The following TRIQK variants were observed in gnomAD, a reference collection of about 807,000 sequenced individuals.
TRIQK encodes the protein triple QxxK/R motif-containing protein.
In TRIQK, 10 loss-of-function variants were observed where a neutral mutation model predicts 10.8. The ratio of observed to expected loss-of-function variants is 0.92; its 90% CI spans 0.57 to 1.57. The LOEUF (loss-of-function observed/expected upper bound fraction) is 1.57. TRIQK is among the 40% of genes most tolerant of loss of function. The pLI, the probability that TRIQK is intolerant of heterozygous loss-of-function variation, is 0.00. For synonymous variants in TRIQK, 33 were observed against 33.7 expected, an observed-to-expected ratio of 0.98 and a Z score of 0.07; for missense variants, 107 against 97.7, an observed-to-expected ratio of 1.09 and a Z score of -0.40.
intron 1 of TRIQK, among the ~76,000 whole-genome samples, chr8:93,009,517 G>A (rs980978054): frequency 6.6e-6 from 1 of 152,052 alleles, no homozygotes; most frequent in Non-Finnish European, 1.5e-5. Context: ...GCTGAGGCAG[G>A]AGAATCGCCT....
chr8:92,887,362 C>T (rs1816541181), intron 4 of TRIQK, among the ~76,000 whole-genome samples: 1 of 151,354 alleles, frequency 6.6e-6, no homozygotes, highest in African/African-American at 2.4e-5. Flanking sequence ...ATACATTTAT[C>T]ACAGTTTTGA....
chr8:92,995,923 C>T (rs1447174174), intron 1 of TRIQK, among the ~76,000 whole-genome samples: 10 of 152,040 alleles, frequency 6.6e-5, no homozygotes, highest in Admixed American at 2.0e-4. Context: ...AGTCATGTGA[C>T]GGGAATTCTA....
intron 2 of TRIQK, chr8:92,953,721 A>C (rs1476300192): frequency 6.6e-6 from 1 of 151,956 alleles, no homozygotes; most frequent in Non-Finnish European, 1.5e-5. Flanking sequence ...AAATTAGAGA[A>C]ATAACAAAGG....
intron 2 of TRIQK, among the ~76,000 whole-genome samples, chr8:92,942,827 T>C (rs1419807698): frequency 6.6e-6 from 1 of 152,104 alleles, no homozygotes; most frequent in Non-Finnish European, 1.5e-5. Context: ...CTCAAGTAGC[T>C]GGGACTAAAG....
At chr8:93,014,285 T>C (rs1028116247) in intron 1 of TRIQK, among the ~76,000 whole-genome samples, 2 of 152,094 alleles carry the variant, frequency 1.3e-5, no homozygotes, top group Non-Finnish European at 2.9e-5. Flanking sequence ...CTCTTTAATA[T>C]TCCTTTCAAT....
At chr8:92,939,841 C>A (rs1811180241) in intron 2 of TRIQK, among the ~76,000 whole-genome samples, 1 of 152,188 alleles carries the variant, frequency 6.6e-6, no homozygotes, top group Admixed American at 6.5e-5. Flanking sequence ...AAACCCTCAT[C>A]ATGCATTCCT....
intron 1 of TRIQK, among the ~76,000 whole-genome samples, chr8:92,954,923 T>C (rs1372553616): frequency 6.6e-6 from 1 of 151,916 alleles, no homozygotes; most frequent in Non-Finnish European, 1.5e-5. Context: ...AATACTGATA[T>C]AAAATTATTT....
chr8:92,897,285 G>C (rs1264942569), intron 3 of TRIQK, among the ~76,000 whole-genome samples: 1 of 152,174 alleles, frequency 6.6e-6, no homozygotes, highest in African/African-American at 2.4e-5. Context: ...TAAGACTTTT[G>C]GGACTATTGA....
chr8:92,952,416 A>AAAACACAC (rs1811955406), intron 2 of TRIQK, among the ~76,000 whole-genome samples: 1 of 149,834 alleles, frequency 6.7e-6, no homozygotes, highest in Admixed American at 6.6e-5. Context: ...AAACAAAGAT[A>AAAACACAC]AAACACACAC....
At chr8:92,955,122 T>A (rs1413678642) in intron 1 of TRIQK, among the ~76,000 whole-genome samples, 1 of 151,912 alleles carries the variant, frequency 6.6e-6, no homozygotes, top group Non-Finnish European at 1.5e-5. Context: ...TGTCAGGCAA[T>A]GAACTTATGT....
chr8:92,996,352 T>A (rs1813153711), intron 1 of TRIQK, among the ~76,000 whole-genome samples: 2 of 152,054 alleles, frequency 1.3e-5, no homozygotes. Context: ...GTATTTTTAG[T>A]TATTTCAATA....
intron 1 of TRIQK, among the ~76,000 whole-genome samples, chr8:92,989,366 G>A (rs1813072946): frequency 6.6e-6 from 1 of 152,136 alleles, no homozygotes; most frequent in Non-Finnish European, 1.5e-5. Flanking sequence ...TGCACAGCAG[G>A]AGGTGAGCAA....
intron 1 of TRIQK, among the ~76,000 whole-genome samples, chr8:92,986,764 G>T (rs1366963199): frequency 6.6e-6 from 1 of 152,138 alleles, no homozygotes; most frequent in Admixed American, 6.5e-5. Context: ...CAAAATCGAT[G>T]TTCTGCAATG....
chr8:92,893,384 T>A (rs1260981525), intron 3 of TRIQK, among the ~76,000 whole-genome samples: 1 of 152,052 alleles, frequency 6.6e-6, no homozygotes, highest in Non-Finnish European at 1.5e-5. Context: ...GATTGTCTTC[T>A]CTTTCCTTAA....
At chr8:92,945,050 G>C (rs1485621259) in intron 2 of TRIQK, among the ~76,000 whole-genome samples, 1 of 151,920 alleles carries the variant, frequency 6.6e-6, no homozygotes, top group Non-Finnish European at 1.5e-5. Context: ...TGTGGTGTAG[G>C]TACTGTCAAA....
chr8:92,894,135 A>T (rs1310016493), intron 3 of TRIQK, among the ~76,000 whole-genome samples: 1 of 152,148 alleles, frequency 6.6e-6, no homozygotes, highest in Non-Finnish European at 1.5e-5. Context: ...TATTTATAAT[A>T]AAAAGACAGT....
At chr8:92,942,543 G>T (rs1206268980) in intron 2 of TRIQK, among the ~76,000 whole-genome samples, 2 of 152,148 alleles carry the variant, frequency 1.3e-5, no homozygotes, top group Non-Finnish European at 2.9e-5. Context: ...CCTAGCCAGA[G>T]AAATTGGGCA....
At chr8:92,998,617 G>A (rs1042372103) in intron 1 of TRIQK, among the ~76,000 whole-genome samples, 16 of 152,030 alleles carry the variant, frequency 1.1e-4, no homozygotes, top group African/African-American at 3.6e-4. Context: ...AGGTAAGTAT[G>A]TAATTACAGT....
chr8:92,892,874 T>G (rs2130275336), intron 3 of TRIQK, among the ~76,000 whole-genome samples: 1 of 152,052 alleles, frequency 6.6e-6, no homozygotes, highest in Non-Finnish European at 1.5e-5. Flanking sequence ...AAGCATTCAT[T>G]ACAATGATAT....
Sources: gnomAD v4.1 joint callset for allele counts (sites outside exome capture counted in the v4.1 genomes callset) on GRCh38, gnomAD v4.1.1 for gene constraint, MANE v1.5 for transcripts, NCBI Gene and HGNC (gene_info 2026-07-23, HGNC 2026-07-21) for gene names.